The following CEACAM6 variants were observed in gnomAD, a reference collection of about 807,000 sequenced individuals.
CEACAM6 encodes the protein cell adhesion molecule CEACAM6.
CEACAM6 carries 21 observed loss-of-function variants against 32.4 expected under a neutral mutation model. The ratio of observed to expected loss-of-function variants is 0.65; its 90% CI spans 0.46 to 0.93. The LOEUF (loss-of-function observed/expected upper bound fraction) is 0.93, where lower values mean the gene tolerates loss of function less well. Ranked by LOEUF, CEACAM6 falls within the 40% of genes least tolerant of loss-of-function variation. The pLI, the probability that CEACAM6 is intolerant of heterozygous loss-of-function variation, is 0.00. For missense variants in CEACAM6, 406 were observed against 432.2 expected (o/e 0.94, Z 0.54); for synonymous variants, 184 against 174.4 (o/e 1.06, Z -0.43).
intron 5 of CEACAM6, among the ~76,000 whole-genome samples, chr19:41,768,942 T>TTTTTTG (rs1294163797): frequency 2.0e-5 from 3 of 152,128 alleles, no homozygotes; most frequent in Non-Finnish European, 4.4e-5. Flanking sequence ...GGGGGGGTTG[T>TTTTTTG]TTTTTGTTTT....
Position 41,762,209 on chromosome 19 carries a change from T to A in CEACAM6, c.944T>A (p.Met315Lys). The A allele has an allele frequency of 6.2e-7, 1 of 1,614,018 alleles. No individual in the cohort carries two copies. The highest frequency in any genetic ancestry group is 8.5e-7 in the Non-Finnish European group (1 of 1,179,876). The change falls in exon 4 of 6, where the codon ATG (methionine) becomes AAG (lysine). Residue 315 changes from methionine to lysine, a missense_variant. Coordinates refer to ENST00000199764, the MANE Select transcript of CEACAM6 (RefSeq NM_002483.7). ...GGCCTCAATAGGACCACAGTCACGA[T>A]GATCACAGTCTCTGGTAAGTGGATC... ...ATGLNRTTVT[M>K]ITVSGSAPVL...
At chr19:41,767,025 A>AG (rs2072960790) in intron 5 of CEACAM6, among the ~76,000 whole-genome samples, 1 of 150,814 alleles carries the variant, frequency 6.6e-6, no homozygotes, top group Admixed American at 6.6e-5. Context: ...AAAAAAAAAA[A>AG]GAAGCCAAAG....
chr19:41,759,600 G>T (rs372920884), intron 2 of CEACAM6, among the ~76,000 whole-genome samples: 5 of 152,082 alleles, frequency 3.3e-5, no homozygotes, highest in African/African-American at 1.2e-4. Flanking sequence ...ACCAACTTCA[G>T]CATCTTCATT....
intron 2 of CEACAM6, chr19:41,757,928 G>C (rs2072899167): frequency 6.6e-6 from 1 of 152,174 alleles, no homozygotes; most frequent in African/African-American, 2.4e-5. Flanking sequence ...TGGCAGATTA[G>C]AGACATATGA....
intron 5 of CEACAM6, among the ~76,000 whole-genome samples, chr19:41,766,566 C>T (rs117368014): frequency 0.021 from 3,261 of 152,276 alleles, 61 homozygotes; most frequent in Middle Eastern, 0.041. Context: ...CCTTTTTCAA[C>T]ATCTCTCACT....
At position 41,756,583 on chromosome 19, in the gene CEACAM6, T is replaced by G. The variant is rs782350657; in HGVS notation, c.65-17T>G. The G allele has an allele frequency of 1.2e-6, 2 of 1,608,678 alleles. No homozygotes were observed. The highest frequency in any genetic ancestry group is 2.7e-5 in the African/African-American group (2 of 74,658). On this transcript the variant is annotated splice_polypyrimidine_tract_variant and intron_variant, in intron 1 of 5. Coordinates refer to ENST00000199764, the MANE Select transcript of CEACAM6 (RefSeq NM_002483.7). The stretch of plus-strand genomic sequence containing the variant: ...CATAGGTCCCAATATTGACCGATGC[T>G]CTCTCCTCTCTCCTAGCCTCACTTC...
chr19:41,762,572 CCT>C (rs1282503077), intron 4 of CEACAM6, among the ~76,000 whole-genome samples: 1 of 152,148 alleles, frequency 6.6e-6, no homozygotes, highest in African/African-American at 2.4e-5. Flanking sequence ...CCAACAATTC[CCT>C]TTCTGTCACT....
At chr19:41,755,775 C>A (rs1206266642) in intron 1 of CEACAM6, 73 bp downstream of exon 1, 3 of 1,336,234 alleles carry the variant, frequency 2.2e-6, no homozygotes, top group Non-Finnish European at 3.1e-6. Flanking sequence ...CTGGGGAGGA[C>A]AAGGCTCTGA....
chr19:41,765,430 T>C (rs1555822308), intron 4 of CEACAM6, among the ~76,000 whole-genome samples: 1 of 152,090 alleles, frequency 6.6e-6, no homozygotes, highest in Non-Finnish European at 1.5e-5. Context: ...GGAAAAACAG[T>C]GCAAAGAATC....
At chr19:41,764,921 G>A (rs2122927759) in intron 4 of CEACAM6, among the ~76,000 whole-genome samples, 1 of 152,264 alleles carries the variant, frequency 6.6e-6, no homozygotes, top group South Asian at 2.1e-4. Context: ...TTCTTCAACT[G>A]AAAATTGCAA....
chr19:41,761,110 G>A, intron 2 of CEACAM6, 139 bp from the exon 3 acceptor site: 1 of 1,499,896 alleles, frequency 6.7e-7, no homozygotes, highest in Non-Finnish European at 9.0e-7. Context: ...TGCATCTGTT[G>A]TGTGACACAC....
chr19:41,769,695 T>C (rs1047705300), intron 5 of CEACAM6, among the ~76,000 whole-genome samples: 40 of 149,118 alleles, frequency 2.7e-4, no homozygotes, highest in African/African-American at 9.5e-4. Flanking sequence ...ATGTTTATAA[T>C]AATATCGTTA....
intron 5 of CEACAM6, among the ~76,000 whole-genome samples, chr19:41,770,582 T>C (rs1652280153): frequency 1.3e-5 from 2 of 152,038 alleles, no homozygotes; most frequent in Non-Finnish European, 2.9e-5. Context: ...AAAAAAAGAC[T>C]ATGTGGTCAC....
At chr19:41,766,669 C>T (rs2072958130) in intron 5 of CEACAM6, among the ~76,000 whole-genome samples, 1 of 152,106 alleles carries the variant, frequency 6.6e-6, no homozygotes, top group African/African-American at 2.4e-5. Flanking sequence ...TTGCATATGA[C>T]TGCCTCATTA....
rs782529945 is a variant in CEACAM6 at position 41,756,559 on chromosome 19, A to T, written c.65-41A>T. The T allele has an allele frequency of 4.4e-6, 7 of 1,588,976 alleles. No homozygotes were observed. The Admixed American group carries it at 1.2e-4, about 28-fold the overall frequency. On this transcript the variant is annotated intron_variant, in intron 1 of 5. Coordinates refer to ENST00000199764, the MANE Select transcript of CEACAM6 (RefSeq NM_002483.7). The stretch of plus-strand genomic sequence containing the variant: ...GGGCCCTGTTTTTCCACCCTAATGC[A>T]TAGGTCCCAATATTGACCGATGCTC...
intron 4 of CEACAM6, among the ~76,000 whole-genome samples, chr19:41,762,971 A>T (rs1157003756): frequency 1.3e-5 from 2 of 152,186 alleles, no homozygotes; most frequent in East Asian, 3.9e-4. Flanking sequence ...CACATGGGAC[A>T]CAGCACAGAG....
Sources: gnomAD v4.1 joint callset for allele counts (sites outside exome capture counted in the v4.1 genomes callset) on GRCh38, gnomAD v4.1.1 for gene constraint, MANE v1.5 for transcripts, NCBI Gene and HGNC (gene_info 2026-07-23, HGNC 2026-07-21) for gene names.